The following ARID1B variants were observed in gnomAD, a reference collection of about 807,000 sequenced individuals.
ARID1B encodes AT-rich interactive domain-containing protein 1B.
In ARID1B, 30 loss-of-function variants were observed where a neutral mutation model predicts 212.3. The ratio of observed to expected loss-of-function variants is 0.14; its 90% confidence interval spans 0.11 to 0.19. The LOEUF is 0.19. Among genes scored for constraint, ARID1B ranks in the 10% least tolerant of loss-of-function variants. The pLI is 1.00. For missense variants in ARID1B, 2,891 were observed against 3,204.0 expected (o/e 0.90, Z 2.36); for synonymous variants, 1,402 against 1,301.7 (o/e 1.08, Z -1.66).
intron 6 of ARID1B, among the ~76,000 whole-genome samples, chr6:157,127,157 G>T (rs1328145565): frequency 1.3e-5 from 2 of 152,166 alleles, no homozygotes; most frequent in Non-Finnish European, 2.9e-5. Flanking sequence ...TCCTAGGAAA[G>T]AAAAACGTTT....
intron 4 of ARID1B, among the ~76,000 whole-genome samples, chr6:156,964,667 CTTTT>C (rs941820933): frequency 3.9e-5 from 6 of 152,138 alleles, no homozygotes; most frequent in Admixed American, 3.9e-4. Context: ...TTAAAACCAT[CTTTT>C]TTTGACAGCT....
At chr6:157,036,798 G>A (rs1000994576) in intron 4 of ARID1B, 1 of 490,112 alleles carries the variant, frequency 2.0e-6, no homozygotes, top group African/African-American at 2.0e-5. Context: ...AGAGGTTTTT[G>A]ATAGTGCCTA....
intron 5 of ARID1B, among the ~76,000 whole-genome samples, chr6:157,099,650 T>C (rs924801158): frequency 1.3e-5 from 2 of 152,248 alleles, no homozygotes; most frequent in Non-Finnish European, 2.9e-5. Flanking sequence ...GACCACATCA[T>C]ACTCACTTCT....
intron 4 of ARID1B, among the ~76,000 whole-genome samples, chr6:156,990,173 CTTT>C (rs11156127): frequency 2.2e-5 from 3 of 134,764 alleles, no homozygotes; most frequent in Non-Finnish European, 4.7e-5. Flanking sequence ...ATTTCCTTAA[CTTT>C]TTTTTTTTTT....
chr6:157,038,757 G>C (rs951152702), intron 4 of ARID1B, among the ~76,000 whole-genome samples: 1 of 152,082 alleles, frequency 6.6e-6, no homozygotes, highest in Non-Finnish European at 1.5e-5. Context: ...TCAGTTCTTA[G>C]GAGCTCATTT....
chr6:156,881,627 T>G (rs1009499734), intron 2 of ARID1B, among the ~76,000 whole-genome samples: 4 of 152,218 alleles, frequency 2.6e-5, no homozygotes, highest in Admixed American at 6.5e-5. Flanking sequence ...GTGGTTGGAA[T>G]TTTAGTCTTT....
intron 1 of ARID1B, among the ~76,000 whole-genome samples, chr6:156,805,640 C>T (rs777632882): frequency 3.3e-5 from 5 of 151,822 alleles, no homozygotes; most frequent in African/African-American, 4.8e-5. Context: ...TTTCCATACA[C>T]GGAAGAAAAA....
intron 4 of ARID1B, chr6:157,036,825 A>G (rs763804582): frequency 2.0e-6 from 1 of 497,426 alleles, no homozygotes; most frequent in South Asian, 1.5e-5. Context: ...GTTTTTCCTT[A>G]TGATTTCAGG....
intron 4 of ARID1B, among the ~76,000 whole-genome samples, chr6:157,019,655 G>T (rs992039026): frequency 2.6e-5 from 4 of 152,060 alleles, no homozygotes; most frequent in African/African-American, 7.2e-5. Flanking sequence ...ACTCCTGAAG[G>T]TTCTGTTTTA....
chr6:156,809,954 G>A (rs906678193), intron 1 of ARID1B, among the ~76,000 whole-genome samples: 1 of 152,180 alleles, frequency 6.6e-6, no homozygotes. Context: ...GAGGATTTAA[G>A]CAATCATCTG....
intron 4 of ARID1B, chr6:157,024,395 A>G (rs1780522952): frequency 6.6e-6 from 1 of 152,278 alleles, no homozygotes; most frequent in African/African-American, 2.4e-5. Context: ...AAATTGAGTG[A>G]ACAAATTGAG....
At chr6:157,159,083 C>T (rs970892418) in intron 8 of ARID1B, among the ~76,000 whole-genome samples, 2 of 152,160 alleles carry the variant, frequency 1.3e-5, no homozygotes, top group Non-Finnish European at 2.9e-5. Flanking sequence ...CCCACTGCTA[C>T]CCCCCTGTGG....
intron 4 of ARID1B, among the ~76,000 whole-genome samples, chr6:156,953,599 C>T (rs1793746665): frequency 6.6e-6 from 1 of 152,162 alleles, no homozygotes; most frequent in Non-Finnish European, 1.5e-5. Context: ...TGTAAGTCTT[C>T]CCCCAGGAAT....
At chr6:156,905,867 G>A (rs987287918) in intron 3 of ARID1B, among the ~76,000 whole-genome samples, 2 of 151,664 alleles carry the variant, frequency 1.3e-5, no homozygotes, top group Non-Finnish European at 2.9e-5. Flanking sequence ...TTTTGTTATT[G>A]TTATAATGGG....
At chr6:157,189,077 T>C (rs147010652) in intron 13 of ARID1B, among the ~76,000 whole-genome samples, 1,815 of 152,342 alleles carry the variant, frequency 0.012, 29 homozygotes, top group African/African-American at 0.04. Flanking sequence ...CACAGACACA[T>C]TCAGATGTTG....
At chr6:156,795,092 A>G (rs1390253035) in intron 1 of ARID1B, among the ~76,000 whole-genome samples, 1 of 120,596 alleles carries the variant, frequency 8.3e-6, no homozygotes, top group East Asian at 2.0e-4. Context: ...GGGTCATTGC[A>G]TAGTTACCCA....
At chr6:157,085,380 A>G (rs1784900855) in intron 5 of ARID1B, among the ~76,000 whole-genome samples, 1 of 152,198 alleles carries the variant, frequency 6.6e-6, no homozygotes, top group African/African-American at 2.4e-5. Flanking sequence ...AAGGTGGAGC[A>G]TGGTCGAGGC....
chr6:157,096,725 G>A (rs1583299591), intron 5 of ARID1B, among the ~76,000 whole-genome samples: 1 of 152,278 alleles, frequency 6.6e-6, no homozygotes, highest in South Asian at 2.1e-4. Flanking sequence ...ACTGCCACCC[G>A]CCTGGACCTC....
intron 7 of ARID1B, among the ~76,000 whole-genome samples, chr6:157,144,396 T>C (rs1789578203): frequency 6.6e-6 from 1 of 152,208 alleles, no homozygotes; most frequent in Non-Finnish European, 1.5e-5. Flanking sequence ...CTGAAAAAGG[T>C]TTCTTACCAA....
Sources: allele counts gnomAD v4.1 joint callset (sites outside exome capture counted in the v4.1 genomes callset), GRCh38; gene constraint gnomAD v4.1.1; transcripts MANE v1.5; gene names NCBI Gene and HGNC (gene_info 2026-07-23, HGNC 2026-07-21).